The following RXRA variants were observed in gnomAD, a reference collection of about 807,000 sequenced individuals.
The protein encoded by RXRA is retinoic acid receptor RXR-alpha.
A neutral mutation model predicts 44.5 loss-of-function variants in RXRA; 5 were observed. The ratio of observed to expected loss-of-function variants is 0.11; its 90% CI spans 0.06 to 0.24. RXRA has a LOEUF of 0.24. Ranked by LOEUF, RXRA falls within the 10% of genes least tolerant of loss-of-function variation. The probability of loss-of-function intolerance (pLI) is 1.00; values close to 1 mark genes in which losing one functional copy is unlikely to be tolerated. For synonymous variants in RXRA, 291 were observed against 271.4 expected (o/e 1.07, Z -0.71); for missense variants, 412 against 646.5 (o/e 0.64, Z 3.93).
Position 134,365,481 on chromosome 9 carries a change from G to A in RXRA, c.29-36151G>A, listed in dbSNP as rs1037875834. 6.6e-6 allele frequency among the ~76,000 whole-genome samples: 1 copy of A among 152,192 alleles called. No individual in the cohort carries two copies. Among genetic ancestry groups the A allele is most frequent in the South Asian group, 2.1e-4 (1 of 4,830 alleles). ...TGATGTGTGGGTTTGCTCATGGGGT[G>A]GACCAGGCCGCTGCCCCTGCCTCCT... On this transcript the variant is annotated intron_variant, in intron 1 of 9. Transcript: ENST00000481739. This position sits in a 1 kb window ranked among gnomAD's most constrained non-coding sequence, Gnocchi z 4.0.
chr9:134,355,202 C>G (rs972901080), intron 1 of RXRA, among the ~76,000 whole-genome samples: 4 of 152,158 alleles, frequency 2.6e-5, no homozygotes, highest in Non-Finnish European at 5.9e-5. Context: ...AAATGCAGGC[C>G]CAGTTGTCAG....
At chr9:134,355,753 C>T (rs1282360278) in intron 1 of RXRA, among the ~76,000 whole-genome samples, 1 of 152,206 alleles carries the variant, frequency 6.6e-6, no homozygotes. Flanking sequence ...AGCCTTGCCA[C>T]ACGTTGGAGG....
At chr9:134,379,981 T>C in intron 1 of RXRA, 1 of 985,352 alleles carries the variant, frequency 1.0e-6, no homozygotes, top group Non-Finnish European at 1.2e-6. Context: ...GCCTCGGGGC[T>C]GTCGGAGCTT....
chr9:134,350,136 C>T (rs373383264), intron 1 of RXRA, among the ~76,000 whole-genome samples: 100 of 152,104 alleles, frequency 6.6e-4, no homozygotes, highest in South Asian at 4.6e-3. Context: ...TCATGCCGAT[C>T]GCATGCTTTG....
At chr9:134,358,921 G>T (rs1362684225) in intron 1 of RXRA, among the ~76,000 whole-genome samples, 1 of 152,174 alleles carries the variant, frequency 6.6e-6, no homozygotes, top group Non-Finnish European at 1.5e-5. Context: ...GCGGAGCTCT[G>T]GGGCCAACAG....
chr9:134,401,503 C>T, intron 1 of RXRA, 129 bp from the exon 2 acceptor site: 1 of 1,470,678 alleles, frequency 6.8e-7, no homozygotes, highest in South Asian at 1.2e-5. Context: ...TGTCGAGACC[C>T]ACGGGGCCAC....
rs78310111 is a variant in RXRA at position 134,379,143 on chromosome 9, C to A, written c.29-22489C>A. On this transcript the variant is annotated intron_variant, in intron 1 of 9. Transcript: ENST00000481739. ...CTCCTCCAGCCTTATAGCTCCTCCC[C>A]ACCACACCTCCTCTGCACAGCAGGA... Among the ~76,000 whole-genome samples, 233 of 152,308 alleles carry A rather than the reference C, an allele frequency of 1.5e-3. No individual in the cohort carries two copies. In the East Asian group the frequency reaches 0.019, roughly 12 times the overall value.
intron 1 of RXRA, among the ~76,000 whole-genome samples, chr9:134,396,938 C>T (rs973405780): frequency 5.3e-5 from 8 of 152,220 alleles, no homozygotes; most frequent in African/African-American, 1.9e-4. Context: ...GGTTCCCTGG[C>T]TGCCCAGGAG....
At position 134,408,617 on chromosome 9, in the gene RXRA, C is replaced by T. The variant is rs954094616; in HGVS notation, c.430+318C>T. The stretch of plus-strand genomic sequence containing the variant: ...GCCTCCTCCCTTGGCTGGGTCTGGG[C>T]AAGGGGCCCGTGTTGTGCCACTGAC... On this transcript the variant is annotated intron_variant, in intron 3 of 9. Transcript: ENST00000481739. Among the ~76,000 whole-genome samples the T allele has an allele frequency of 3.3e-5, 5 of 152,224 alleles. No homozygotes were observed. In the South Asian group the frequency reaches 1.0e-3, roughly 31 times the overall value.
At chr9:134,411,998 C>G (rs1831156752) in intron 4 of RXRA, among the ~76,000 whole-genome samples, 1 of 152,204 alleles carries the variant, frequency 6.6e-6, no homozygotes, top group African/African-American at 2.4e-5. Flanking sequence ...GGCAGGCACC[C>G]TCCTCCCCGG....
rs375763779 is a variant in RXRA, at chr9:134,328,432, C to T, written c.28+1773C>T. On this transcript the variant is annotated intron_variant, in intron 1 of 9. Transcript: ENST00000481739. ...CTGTGAGGAGGAGAGGTCGTGCCTC[C>T]GAGCCACTGCCCCAGGGATCTCCCT... Among the ~76,000 whole-genome samples, 43 of 152,096 alleles carry T rather than the reference C, an allele frequency of 2.8e-4. No individual in the cohort carries two copies. The East Asian group carries it at 8.2e-3, about 29-fold the overall frequency.
At chr9:134,411,148 C>T (rs1017601173) in intron 4 of RXRA, among the ~76,000 whole-genome samples, 2 of 152,182 alleles carry the variant, frequency 1.3e-5, no homozygotes, top group Admixed American at 6.5e-5. Context: ...CCTCGGAAGT[C>T]GGTGATGGCC....
chr9:134,435,188 C>G (rs909681937), intron 9 of RXRA, among the ~76,000 whole-genome samples: 1 of 152,182 alleles, frequency 6.6e-6, no homozygotes, highest in African/African-American at 2.4e-5. Flanking sequence ...AGAAAGACTT[C>G]GTTAATAATT....
At chr9:134,346,234 C>T (rs1457516118) in intron 1 of RXRA, among the ~76,000 whole-genome samples, 8 of 152,314 alleles carry the variant, frequency 5.3e-5, no homozygotes, top group Non-Finnish European at 1.0e-4. Flanking sequence ...CAGCCCGGGA[C>T]CTGGCGTTCA....
chr9:134,347,469 C>T (rs1830167200), intron 1 of RXRA, among the ~76,000 whole-genome samples: 1 of 152,176 alleles, frequency 6.6e-6, no homozygotes, highest in South Asian at 2.1e-4. Context: ...GCCGCAGTGT[C>T]CGGGCTTCTG....
At chr9:134,359,047 G>C (rs550005891) in intron 1 of RXRA, among the ~76,000 whole-genome samples, 1 of 152,198 alleles carries the variant, frequency 6.6e-6, no homozygotes, top group Non-Finnish European at 1.5e-5. Context: ...GGGGGCTGCC[G>C]TGTGGGAGAG....
chr9:134,425,257 G>C (rs998752146), intron 6 of RXRA: 2 of 985,216 alleles, frequency 2.0e-6, no homozygotes, highest in Non-Finnish European at 2.4e-6. Flanking sequence ...CCTTCCTTGG[G>C]GTGGGCTGCT....
At chr9:134,353,413 C>T (rs1361423141) in intron 1 of RXRA, among the ~76,000 whole-genome samples, 4 of 152,162 alleles carry the variant, frequency 2.6e-5, no homozygotes, top group South Asian at 2.1e-4. Context: ...CATGTGTGTG[C>T]ACGGCCCCAT....
In RXRA at chr9:134,423,814, C is replaced by G. The variant is rs974176861; in HGVS notation, c.910+2009C>G. 3 of 985,358 alleles carry G rather than the reference C, an allele frequency of 3.0e-6. No individual in the cohort carries two copies. In the African/African-American group the frequency reaches 5.2e-5, roughly 17 times the overall value. The allele number at this position is 985,358 out of a possible 1,614,324, so 61.0% of individuals were successfully genotyped here. ...CTGGCTTTGCCAGCTGCAGGCCTGC[C>G]TGACCCCAGTGGTCCTTGGAGAGAT... On this transcript the variant is annotated intron_variant, in intron 6 of 9. Coordinates refer to ENST00000481739, the MANE Select transcript of RXRA (RefSeq NM_002957.6).
Sources: allele counts gnomAD v4.1 joint callset (sites outside exome capture counted in the v4.1 genomes callset), GRCh38; gene constraint gnomAD v4.1.1; non-coding constraint Gnocchi (gnomAD v3.1); transcripts MANE v1.5; gene names NCBI Gene and HGNC (gene_info 2026-07-23, HGNC 2026-07-21).